MEF2A: variants seen among roughly 807,000 people sequenced by gnomAD.
MEF2A encodes myocyte-specific enhancer factor 2A.
A neutral mutation model predicts 55.8 loss-of-function variants in MEF2A; 28 were observed. The observed-to-expected ratio is 0.50, with a 90% CI of 0.37 to 0.69. MEF2A has a LOEUF of 0.69. Ranked by LOEUF, MEF2A falls within the 30% of genes least tolerant of loss-of-function variation. The probability of loss-of-function intolerance (pLI) is 0.00; values close to 1 mark genes in which losing one functional copy is unlikely to be tolerated. For synonymous variants in MEF2A, 239 were observed against 227.1 expected, an observed-to-expected ratio of 1.05 and a Z score of -0.47; for missense variants, 528 against 626.2, an observed-to-expected ratio of 0.84 and a Z score of 1.67.
intron 2 of MEF2A, among the ~76,000 whole-genome samples, chr15:99,603,667 C>G (rs1189043365): frequency 6.6e-6 from 1 of 151,740 alleles, no homozygotes; most frequent in Non-Finnish European, 1.5e-5. Flanking sequence ...TCCCAAAGTG[C>G]TGGGATTACA....
At chr15:99,596,166 T>C (rs1382315193) in intron 1 of MEF2A, among the ~76,000 whole-genome samples, 1 of 152,182 alleles carries the variant, frequency 6.6e-6, no homozygotes, top group African/African-American at 2.4e-5. Context: ...ATTTATATAA[T>C]TGAGGAATGC....
At chr15:99,664,412 G>A (rs895784173) in intron 4 of MEF2A, among the ~76,000 whole-genome samples, 2 of 152,132 alleles carry the variant, frequency 1.3e-5, no homozygotes, top group Non-Finnish European at 2.9e-5. Flanking sequence ...CACCAAGGCT[G>A]GTTTGCAAAA....
At chr15:99,665,619 A>G (rs1354750927) in intron 4 of MEF2A, among the ~76,000 whole-genome samples, 1 of 151,964 alleles carries the variant, frequency 6.6e-6, no homozygotes, top group Non-Finnish European at 1.5e-5. Flanking sequence ...GCACAGCAAA[A>G]GAAACTTTAT....
At chr15:99,678,585 C>T (rs1427942220) in intron 7 of MEF2A, 1 of 871,244 alleles carries the variant, frequency 1.1e-6, no homozygotes, top group Non-Finnish European at 1.4e-6. Context: ...TTCCATTTGC[C>T]TTGTTCGTAT....
intron 7 of MEF2A, chr15:99,681,950 A>C (rs1021650656): frequency 3.9e-5 from 6 of 152,206 alleles, no homozygotes; most frequent in African/African-American, 7.2e-5. Context: ...AACTGTTAGA[A>C]TGTATTTTTG....
chr15:99,611,285 T>C (rs1977199222), intron 2 of MEF2A, among the ~76,000 whole-genome samples: 1 of 152,180 alleles, frequency 6.6e-6, no homozygotes, highest in Non-Finnish European at 1.5e-5. Context: ...AGAAGGTATT[T>C]ACAGATCATA....
At chr15:99,685,388 T>C (rs2153694909) in intron 7 of MEF2A, among the ~76,000 whole-genome samples, 1 of 152,322 alleles carries the variant, frequency 6.6e-6, no homozygotes, top group South Asian at 2.1e-4. Context: ...GGTTCATAGT[T>C]TTCCTTGTAG....
rs529474807 is a variant in MEF2A, at chr15:99,573,676, T to C, written c.-225+7572T>C. Among the ~76,000 whole-genome samples, 7 of 152,342 alleles carry C rather than the reference T, an allele frequency of 4.6e-5. No homozygotes were observed. The South Asian group carries it at 1.2e-3, about 27-fold the overall frequency. ...GCTCCAAGTTGAGGGGGGAACCTTA[T>C]GGAAATTAACACAGTATACATGAAA... On this transcript the variant is annotated intron_variant, in intron 1 of 11. Transcript: ENST00000557942.
chr15:99,666,398 A>G (rs750761839), intron 4 of MEF2A, among the ~76,000 whole-genome samples: 14 of 152,028 alleles, frequency 9.2e-5, no homozygotes, highest in Non-Finnish European at 1.8e-4. Context: ...ATGACAACAC[A>G]TGGACACGGA....
Position 99,712,872 on chromosome 15 carries a change from C to CATACATATATAT in MEF2A, c.*104_*115dup. The CATACATATATAT allele has an allele frequency of 8.5e-7, 1 of 1,176,348 alleles. No individual in the cohort carries two copies. Among genetic ancestry groups the CATACATATATAT allele is most frequent in the Non-Finnish European group, 1.2e-6 (1 of 837,902 alleles). The allele number at this position is 1,176,348 out of a possible 1,614,324, so 72.9% of individuals were successfully genotyped here. A position where few individuals can be genotyped will look rare whatever the true frequency, so the allele number is the denominator to read the frequency against. ...CATGAGTTAAATATATTTATATGTA[C>CATACATATATAT]ATACATATATATATCCCTTTACATA... On this transcript the variant is annotated 3_prime_UTR_variant, in exon 12 of 12. Transcript: ENST00000557942. This position sits in a 1 kb window ranked among gnomAD's most constrained non-coding sequence, Gnocchi z 4.1.
At chr15:99,663,208 C>T (rs181779913) in intron 4 of MEF2A, among the ~76,000 whole-genome samples, 6 of 151,972 alleles carry the variant, frequency 3.9e-5, no homozygotes, top group Non-Finnish European at 2.9e-5. Context: ...AAATGCAAGT[C>T]CCTTGGGATA....
intron 4 of MEF2A, 182 bp downstream of exon 4, chr15:99,645,946 TC>T: frequency 2.2e-6 from 1 of 464,106 alleles, no homozygotes; most frequent in Non-Finnish European, 3.8e-6. Flanking sequence ...ATAAACATAC[TC>T]TATTCATTCA....
intron 11 of MEF2A, 139 bp downstream of exon 11, chr15:99,710,899 G>A (rs560516235): frequency 1.8e-4 from 184 of 1,036,422 alleles, no homozygotes; most frequent in African/African-American, 9.6e-4. Context: ...TACAAGTGTC[G>A]GGAGAAAATA....
intron 2 of MEF2A, among the ~76,000 whole-genome samples, chr15:99,621,288 T>C (rs1014395174): frequency 2.0e-5 from 3 of 152,232 alleles, no homozygotes; most frequent in Admixed American, 6.5e-5. Context: ...AGGCCACCTC[T>C]GTAGGCTTCT....
chr15:99,687,038 A>C (rs1164189719), intron 7 of MEF2A, among the ~76,000 whole-genome samples: 1 of 111,240 alleles, frequency 9.0e-6, no homozygotes. Context: ...CAGCCTCCTT[A>C]GTTTCTGGGA....
At chr15:99,597,500 C>CGGTCCTGT (rs60934436) in intron 1 of MEF2A, among the ~76,000 whole-genome samples, 7 of 151,764 alleles carry the variant, frequency 4.6e-5, no homozygotes, top group Admixed American at 6.6e-5. Flanking sequence ...AATTTCACCT[C>CGGTCCTGT]GGTCCTGTGG....
At chr15:99,673,005 G>A (rs1187677801) in intron 5 of MEF2A, among the ~76,000 whole-genome samples, 1 of 152,166 alleles carries the variant, frequency 6.6e-6, no homozygotes, top group Non-Finnish European at 1.5e-5. Flanking sequence ...GGATGTGCTT[G>A]TGTGAGGGAA....
chr15:99,659,185 C>A (rs2048231053), intron 4 of MEF2A, among the ~76,000 whole-genome samples: 1 of 151,912 alleles, frequency 6.6e-6, no homozygotes, highest in South Asian at 2.1e-4. Context: ...AACAGAGTTA[C>A]ATTCTTTCTG....
At chr15:99,578,413 A>C (rs1439372846) in intron 1 of MEF2A, among the ~76,000 whole-genome samples, 10 of 152,134 alleles carry the variant, frequency 6.6e-5, no homozygotes, top group African/African-American at 2.2e-4. Flanking sequence ...TTCTCCCTTC[A>C]GCTTGAAAGC....
Sources: allele counts gnomAD v4.1 joint callset (sites outside exome capture counted in the v4.1 genomes callset), GRCh38; gene constraint gnomAD v4.1.1; non-coding constraint Gnocchi (gnomAD v3.1); transcripts MANE v1.5; gene names NCBI Gene and HGNC (gene_info 2026-07-23, HGNC 2026-07-21).